The following IPMK variants were observed in gnomAD, a reference collection of about 807,000 sequenced individuals.
The protein encoded by IPMK is inositol 1,3,4,6-tetrakisphosphate 5-kinase.
IPMK carries 17 observed loss-of-function variants against 45.8 expected under a neutral mutation model. That is an observed-to-expected ratio of 0.37 (90% CI 0.25 to 0.56). The LOEUF is 0.56. IPMK is among the 20% of genes least tolerant of loss of function. The pLI, the probability that IPMK is intolerant of heterozygous loss-of-function variation, is 0.79. For missense variants in IPMK, 399 were observed against 498.0 expected (o/e 0.80, Z 1.89); for synonymous variants, 180 against 184.3 (o/e 0.98, Z 0.19).
chr10:58,262,094 G>A (rs1165348101), intron 1 of IPMK, among the ~76,000 whole-genome samples: 3 of 152,148 alleles, frequency 2.0e-5, no homozygotes, highest in Non-Finnish European at 4.4e-5. Context: ...GGCCTGTCGT[G>A]GGGTTGGGGG....
At chr10:58,254,315 C>T (rs769366370) in intron 1 of IPMK, among the ~76,000 whole-genome samples, 3 of 152,120 alleles carry the variant, frequency 2.0e-5, no homozygotes, top group Non-Finnish European at 2.9e-5. Flanking sequence ...ATCAAGTTTG[C>T]TGTCAAAACC....
chr10:58,207,982 C>G (rs1838096299), intron 4 of IPMK, among the ~76,000 whole-genome samples: 1 of 151,960 alleles, frequency 6.6e-6, no homozygotes, highest in South Asian at 2.1e-4. Context: ...GCTTTGGTGC[C>G]CAGGCTGGAG....
At chr10:58,225,934 G>A (rs1230904701) in intron 3 of IPMK, among the ~76,000 whole-genome samples, 3 of 152,114 alleles carry the variant, frequency 2.0e-5, no homozygotes, top group African/African-American at 7.2e-5. Flanking sequence ...TAAGCAAAAT[G>A]TTGATCTGAA....
chr10:58,225,935 T>TTGA (rs923990680), intron 3 of IPMK, among the ~76,000 whole-genome samples: 31 of 152,186 alleles, frequency 2.0e-4, no homozygotes, highest in African/African-American at 7.0e-4. Flanking sequence ...AAGCAAAATG[T>TTGA]TGATCTGAAT....
chr10:58,234,587 T>C (rs1838579473), intron 2 of IPMK, among the ~76,000 whole-genome samples: 1 of 152,170 alleles, frequency 6.6e-6, no homozygotes, highest in African/African-American at 2.4e-5. Flanking sequence ...ATTTAATAAA[T>C]GGTGCTGGGA....
intron 1 of IPMK, among the ~76,000 whole-genome samples, chr10:58,265,381 A>G (rs1225124138): frequency 6.6e-6 from 1 of 152,352 alleles, no homozygotes; most frequent in East Asian, 1.9e-4. Flanking sequence ...AATTATTTCA[A>G]TTGACAGACC....
At chr10:58,203,470 C>T (rs1280510824) in intron 4 of IPMK, among the ~76,000 whole-genome samples, 1 of 152,182 alleles carries the variant, frequency 6.6e-6, no homozygotes, top group Non-Finnish European at 1.5e-5. Context: ...GTGCATGCCA[C>T]CATGTCTGGC....
intron 2 of IPMK, among the ~76,000 whole-genome samples, chr10:58,229,369 C>T (rs946063592): frequency 4.0e-5 from 6 of 151,890 alleles, no homozygotes; most frequent in Non-Finnish European, 7.4e-5. Flanking sequence ...TCCAGACCAG[C>T]CTGGCCAACA....
intron 1 of IPMK, among the ~76,000 whole-genome samples, chr10:58,253,004 T>C (rs976929604): frequency 1.4e-4 from 22 of 152,202 alleles, no homozygotes; most frequent in African/African-American, 5.3e-4. Flanking sequence ...CAGTCTGACA[T>C]GGTTTGGCTG....
intron 1 of IPMK, among the ~76,000 whole-genome samples, chr10:58,254,937 G>A (rs922267590): frequency 2.0e-5 from 3 of 152,202 alleles, no homozygotes; most frequent in Non-Finnish European, 4.4e-5. Flanking sequence ...GAGCACCAAA[G>A]CTTAAACACT....
intron 2 of IPMK, among the ~76,000 whole-genome samples, chr10:58,228,046 C>T (rs1464724152): frequency 6.6e-6 from 1 of 152,156 alleles, no homozygotes; most frequent in African/African-American, 2.4e-5. Flanking sequence ...GACCAAATAT[C>T]CAAGTGGTAC....
intron 1 of IPMK, among the ~76,000 whole-genome samples, chr10:58,252,699 A>G (rs2590342): frequency 0.35 from 50,312 of 144,022 alleles, 10,689 homozygotes; most frequent in African/African-American, 0.62. Context: ...TGCAACCTCC[A>G]CCTTCCGGGT....
intron 4 of IPMK, among the ~76,000 whole-genome samples, chr10:58,199,794 G>T (rs1837971168): frequency 1.3e-5 from 2 of 151,978 alleles, no homozygotes; most frequent in African/African-American, 4.8e-5. Flanking sequence ...GAAGATAATA[G>T]TTGTACACTG....
Position 58,204,056 on chromosome 10 carries a change from C to A in IPMK, c.547-4735G>T, listed in dbSNP as rs964283914. Reference sequence around the variant, plus strand: ...GTATTTTTTAATTAAAGTATACACACTGTTTTTTAAAAAAACATAATGCAA... The same window carrying A: ...GTATTTTTTAATTAAAGTATACACAATGTTTTTTAAAAAAACATAATGCAA... On this transcript the variant is annotated intron_variant, in intron 4 of 5. Transcript: ENST00000373935. 1.6e-4 allele frequency among the ~76,000 whole-genome samples: 21 copies of A among 129,422 alleles called. 1 individual carries two copies. The highest frequency in any genetic ancestry group is 8.1e-4 in the African/African-American group (21 of 25,876). The allele number at this position is 129,422 out of a possible 152,430, so 84.9% of individuals were successfully genotyped here. A position where few individuals can be genotyped will look rare whatever the true frequency, so the allele number is the denominator to read the frequency against.
chr10:58,221,410 GT>G (rs1758238035), intron 3 of IPMK, among the ~76,000 whole-genome samples: 2 of 150,968 alleles, frequency 1.3e-5, no homozygotes, highest in African/African-American at 4.9e-5. Flanking sequence ...ATTAGTCAAG[GT>G]TATAGATAGT....
At chr10:58,227,901 G>T (rs12572236) in intron 2 of IPMK, among the ~76,000 whole-genome samples, 5,836 of 152,206 alleles carry the variant, frequency 0.038, 176 homozygotes, top group East Asian at 0.14. Context: ...TAAAATTAAT[G>T]AAGTTTACTG....
At chr10:58,198,144 A>G (rs908508973) in intron 5 of IPMK, among the ~76,000 whole-genome samples, 6 of 152,036 alleles carry the variant, frequency 3.9e-5, no homozygotes, top group Non-Finnish European at 1.5e-5. Flanking sequence ...ATTACTAAAT[A>G]CCAAACCATA....
intron 1 of IPMK, among the ~76,000 whole-genome samples, chr10:58,240,329 A>G (rs1838678023): frequency 6.6e-6 from 1 of 151,990 alleles, no homozygotes; most frequent in Non-Finnish European, 1.5e-5. Flanking sequence ...ACAAAGACCA[A>G]TACAAAATAT....
intron 4 of IPMK, among the ~76,000 whole-genome samples, chr10:58,208,288 G>A (rs1564528855): frequency 1.3e-5 from 2 of 152,006 alleles, no homozygotes; most frequent in Admixed American, 6.6e-5. Flanking sequence ...GTATCTCCTT[G>A]AGTAGCTTAA....
Sources: allele counts gnomAD v4.1 joint callset (sites outside exome capture counted in the v4.1 genomes callset), GRCh38; gene constraint gnomAD v4.1.1; transcripts MANE v1.5; gene names NCBI Gene and HGNC (gene_info 2026-07-23, HGNC 2026-07-21).